Variants in SGCD observed in about 807,000 individuals in gnomAD.
SGCD encodes the protein sarcoglycan delta.
A neutral mutation model predicts 36.6 loss-of-function variants in SGCD; 18 were observed. That is an observed-to-expected ratio of 0.49 (90% confidence interval 0.34 to 0.73). SGCD has a LOEUF of 0.73. SGCD is among the 30% of genes least tolerant of loss of function. SGCD has a pLI of 0.01. For synonymous variants in SGCD, 133 were observed against 130.6 expected (o/e 1.02, Z -0.12); for missense variants, 387 against 346.7 (o/e 1.12, Z -0.92).
intron 1 of SGCD, among the ~76,000 whole-genome samples, chr5:155,984,173 G>C (rs988454770): frequency 4.6e-5 from 7 of 152,198 alleles, no homozygotes; most frequent in African/African-American, 1.7e-4. Context: ...GATCCTCTGA[G>C]TCAAGCAGGG....
intron 3 of SGCD, among the ~76,000 whole-genome samples, chr5:156,261,410 T>A (rs1282534945): frequency 6.6e-6 from 1 of 152,212 alleles, no homozygotes; most frequent in African/African-American, 2.4e-5. Flanking sequence ...ACATATACTA[T>A]GGTGGCCCAT....
At chr5:156,494,983 C>A (rs544674570) in intron 3 of SGCD, among the ~76,000 whole-genome samples, 27 of 152,088 alleles carry the variant, frequency 1.8e-4, no homozygotes, top group African/African-American at 6.5e-4. Context: ...TTCTTTAGGG[C>A]GCTTTATAGC....
intron 1 of SGCD, among the ~76,000 whole-genome samples, chr5:155,874,992 G>A (rs1481876349): frequency 1.6e-5 from 2 of 126,236 alleles, no homozygotes; most frequent in Admixed American, 1.8e-4. Flanking sequence ...ATTTGTAATA[G>A]CCAAAACTGG....
At chr5:156,528,384 T>C (rs551680998) in intron 4 of SGCD, among the ~76,000 whole-genome samples, 4 of 152,332 alleles carry the variant, frequency 2.6e-5, no homozygotes, top group Non-Finnish European at 5.9e-5. Flanking sequence ...ATTATTAGCA[T>C]TTATTAATAC....
Position 156,759,326 on chromosome 5 carries a change from G to A in SGCD, c.809G>A (p.Arg270Lys). ...VFEICVCANG[R>K]LFLSQAGAGS... Reference sequence around the variant, plus strand: ...GAGATCTGCGTCTGCGCCAATGGGAGATTATTCCTGTCTCAGGCAGGAGCT... The same window carrying A: ...GAGATCTGCGTCTGCGCCAATGGGAAATTATTCCTGTCTCAGGCAGGAGCT... Residue 270 changes from arginine to lysine, a missense_variant, in exon 9 of 9, where the codon AGA (arginine) becomes AAA (lysine). By Grantham distance (26) the Arg-to-Lys change is conservative. Transcript: ENST00000337851. 6.2e-7 allele frequency: 1 copy of A among 1,613,336 alleles called. No individual in the cohort carries two copies. Among genetic ancestry groups the A allele is most frequent in the Admixed American group, 1.7e-5 (1 of 59,996 alleles).
chr5:156,244,857 G>T (rs1001153968), intron 3 of SGCD, among the ~76,000 whole-genome samples: 1 of 152,140 alleles, frequency 6.6e-6, no homozygotes, highest in African/African-American at 2.4e-5. Flanking sequence ...CCATGACCCA[G>T]ATTCAACAAT....
chr5:156,434,018 A>G (rs1381083243), intron 3 of SGCD, among the ~76,000 whole-genome samples: 1 of 152,214 alleles, frequency 6.6e-6, no homozygotes. Flanking sequence ...ATGACTGGCT[A>G]TAAACCAATC....
chr5:156,372,614 C>A (rs1441999926), intron 3 of SGCD, among the ~76,000 whole-genome samples: 1 of 152,126 alleles, frequency 6.6e-6, no homozygotes, highest in Non-Finnish European at 1.5e-5. Context: ...CCTCCATCAA[C>A]CAAAATATTT....
chr5:156,380,893 C>G (rs759179115), intron 3 of SGCD, among the ~76,000 whole-genome samples: 1 of 152,036 alleles, frequency 6.6e-6, no homozygotes, highest in African/African-American at 2.4e-5. Flanking sequence ...TCTCGTAAGT[C>G]GAGTAGAAGA....
At chr5:155,933,268 G>A (rs1288846536) in intron 1 of SGCD, among the ~76,000 whole-genome samples, 6 of 152,084 alleles carry the variant, frequency 3.9e-5, no homozygotes, top group Admixed American at 6.6e-5. Context: ...CCTGTCCCAC[G>A]TGTTTGCATA....
chr5:156,640,819 A>G (rs1374433293), intron 6 of SGCD, among the ~76,000 whole-genome samples: 1 of 152,198 alleles, frequency 6.6e-6, no homozygotes, highest in East Asian at 1.9e-4. Context: ...CCTAGAAACT[A>G]TTTGTAATGA....
intron 6 of SGCD, among the ~76,000 whole-genome samples, chr5:156,596,635 C>G (rs995516178): frequency 6.6e-6 from 1 of 152,132 alleles, no homozygotes; most frequent in South Asian, 2.1e-4. Flanking sequence ...TTTACCTCCT[C>G]CCACAGTCAG....
intron 3 of SGCD, among the ~76,000 whole-genome samples, chr5:156,284,656 A>G (rs1284135059): frequency 2.0e-5 from 3 of 152,192 alleles, no homozygotes; most frequent in Non-Finnish European, 4.4e-5. Flanking sequence ...TAAATTAGGT[A>G]TTGATGGGAT....
At chr5:156,462,799 G>A (rs1754543940) in intron 3 of SGCD, among the ~76,000 whole-genome samples, 1 of 151,676 alleles carries the variant, frequency 6.6e-6, no homozygotes, top group Admixed American at 6.6e-5. Flanking sequence ...TTGCAGTTTT[G>A]GCCATTACTT....
At chr5:155,808,309 G>C in the SGCD span, among the ~76,000 whole-genome samples, 2 of 152,178 alleles carry the variant, frequency 1.3e-5, no homozygotes. Flanking sequence ...ACACCCACCA[G>C]GATGCTATTT....
chr5:155,866,921 G>A (rs1408189339), upstream of SGCD, among the ~76,000 whole-genome samples: 7 of 152,130 alleles, frequency 4.6e-5, no homozygotes, highest in Admixed American at 4.6e-4. Flanking sequence ...TTATTCAAAA[G>A]GACATAAGGA....
At chr5:156,177,960 T>C (rs1269434598) in intron 3 of SGCD, among the ~76,000 whole-genome samples, 1 of 152,186 alleles carries the variant, frequency 6.6e-6, no homozygotes, top group Non-Finnish European at 1.5e-5. Context: ...ATATAAGAAG[T>C]CAAGATGGAT....
At position 156,676,029 on chromosome 5, in the gene SGCD, A is replaced by G. The variant is rs74931874; in HGVS notation, c.575+28493A>G. ...TCAATAGCTCTCTCTTAACCATAGC[A>G]TGGAAATGAAATTACACATTAAACT... On this transcript the variant is annotated intron_variant, in intron 7 of 8. Coordinates refer to ENST00000337851, the MANE Select transcript of SGCD (RefSeq NM_000337.6). 3.5e-3 allele frequency among the ~76,000 whole-genome samples: 527 copies of G among 152,334 alleles called. 6 individuals are homozygous for G. Among genetic ancestry groups the G allele is most frequent in the African/African-American group, 0.012 (494 of 41,578 alleles).
chr5:156,232,491 C>G (rs1253749428), intron 3 of SGCD, among the ~76,000 whole-genome samples: 6 of 152,198 alleles, frequency 3.9e-5, no homozygotes, highest in Non-Finnish European at 8.8e-5. Flanking sequence ...TATTTGTGAG[C>G]CTTTCACACT....
Sources: gnomAD v4.1 joint callset for allele counts (sites outside exome capture counted in the v4.1 genomes callset) on GRCh38, gnomAD v4.1.1 for gene constraint, MANE v1.5 for transcripts, NCBI Gene and HGNC (gene_info 2026-07-23, HGNC 2026-07-21) for gene names.